Variants in KDELR3 observed in about 807,000 individuals in gnomAD.
KDELR3 encodes the protein ER lumen protein-retaining receptor 3.
A neutral mutation model predicts 22.7 loss-of-function variants in KDELR3; 26 were observed. The ratio of observed to expected loss-of-function variants is 1.15; its 90% CI spans 0.84 to 1.59. KDELR3 has a LOEUF of 1.59. Among genes scored for constraint, KDELR3 ranks in the 40% most tolerant of loss-of-function variants. The probability of loss-of-function intolerance (pLI) is 0.00; values close to 1 mark genes in which losing one functional copy is unlikely to be tolerated. For synonymous variants in KDELR3, 120 were observed against 98.2 expected (o/e 1.22, Z -1.31); for missense variants, 289 against 251.1 (o/e 1.15, Z -1.02).
Position 38,481,306 on chromosome 22 carries a change from C to T in KDELR3, c.446C>T (p.Thr149Ile). ...ACTGGAGAGGCTGAGACCATAACTA[C>T]TCACTACCTGTTCTTTCTGGGTCTG... ...SKTGEAETITTHYLFFLGLYR... is the reference protein window; with the variant it reads ...SKTGEAETITIHYLFFLGLYR... The change falls in exon 4 of 5, where the codon ACT becomes ATT. Residue 149 changes from threonine to isoleucine, a missense_variant. Coordinates refer to ENST00000216014, the MANE Select transcript of KDELR3 (RefSeq NM_006855.4). The T allele has an allele frequency of 3.7e-6, 6 of 1,614,202 alleles. No homozygotes were observed. The highest frequency in any genetic ancestry group is 1.1e-5 in the South Asian group (1 of 91,090).
At chr22:38,481,569 T>G in intron 4 of KDELR3, 105 bp downstream of exon 4, 2 of 1,559,520 alleles carry the variant, frequency 1.3e-6, no homozygotes, top group South Asian at 2.4e-5. Flanking sequence ...GTCTCTGCCA[T>G]CCACAATGCT....
chr22:38,477,340 G>T (rs942509573), intron 2 of KDELR3, among the ~76,000 whole-genome samples: 8 of 151,764 alleles, frequency 5.3e-5, no homozygotes, highest in African/African-American at 1.9e-4. Context: ...GAGTAGCTGG[G>T]ATTACAGGTG....
rs1569133762 is a variant in KDELR3, at chr22:38,481,198, T to C, written c.352-14T>C. ...GGTCTTGCTCAGTCTCTGGTTGCTT[T>C]CTCTTTGGCTCAGATCCTCTGGACT... On this transcript the variant is annotated splice_polypyrimidine_tract_variant and intron_variant, in intron 3 of 4. Coordinates refer to ENST00000216014, the MANE Select transcript of KDELR3 (RefSeq NM_006855.4). The C allele has an allele frequency of 6.2e-7, 1 of 1,605,780 alleles. No individual in the cohort carries two copies. The highest frequency in any genetic ancestry group is 2.2e-5 in the East Asian group (1 of 44,786).
intron 1 of KDELR3, among the ~76,000 whole-genome samples, chr22:38,473,973 CAAAAAAAGAAAAAA>C (rs1295787439): frequency 3.5e-5 from 1 of 28,454 alleles, no homozygotes; most frequent in Non-Finnish European, 6.5e-5. Context: ...GACTCCATCT[CAAAAAAAGAAAAAA>C]GAAAAAAGAA....
At chr22:38,471,596 C>T (rs1018406807) in intron 1 of KDELR3, among the ~76,000 whole-genome samples, 2 of 152,186 alleles carry the variant, frequency 1.3e-5, no homozygotes, top group African/African-American at 2.4e-5. Flanking sequence ...AATGTGAGAC[C>T]GAGGCTCGCC....
At chr22:38,481,883 T>C (rs1013183184) in intron 4 of KDELR3, among the ~76,000 whole-genome samples, 6 of 152,296 alleles carry the variant, frequency 3.9e-5, no homozygotes, top group East Asian at 1.9e-4. Flanking sequence ...CACTGAAGAA[T>C]TGTCGTGGGC....
chr22:38,468,749 C>A (rs1054995805), intron 1 of KDELR3, among the ~76,000 whole-genome samples: 1 of 152,208 alleles, frequency 6.6e-6, no homozygotes, highest in African/African-American at 2.4e-5. Flanking sequence ...ACCCCGCCCC[C>A]CAAAGTGAGC....
chr22:38,473,342 G>C (rs2089536575), intron 1 of KDELR3, among the ~76,000 whole-genome samples: 1 of 152,156 alleles, frequency 6.6e-6, no homozygotes, highest in Admixed American at 6.5e-5. Flanking sequence ...TCGGGAGGCT[G>C]AGATAGGAGA....
chr22:38,468,338 G>A lies in KDELR3; in HGVS notation c.91+14G>A. 1 of 1,612,066 alleles carries A rather than the reference G, an allele frequency of 6.2e-7. No individual in the cohort carries two copies. Among genetic ancestry groups the A allele is most frequent in the Non-Finnish European group, 8.5e-7 (1 of 1,178,710 alleles). On this transcript the variant is annotated intron_variant, in intron 1 of 4. Transcript: ENST00000216014. The stretch of plus-strand genomic sequence containing the variant: ...AGTGCTGCAAGGGTGAGGGGCGCCT[G>A]GCAGGGAGGTGCGGGACCCCCTCTC...
Position 38,482,534 on chromosome 22 carries a change from T to C in KDELR3, c.643T>C (p.Ter215ArgextTer13), listed in dbSNP as rs2089611771. ...GKKLSLPMPI[*>R] ...GAAGTTAAGTCTTCCAATGCCAATC[T>C]GAGGACCTTCAGAGACAGTCTACGC... The change falls in exon 5 of 5, where the codon TGA becomes CGA. Residue 215 changes from the stop codon to arginine (R), a stop_lost. Coordinates refer to ENST00000216014, the MANE Select transcript of KDELR3 (RefSeq NM_006855.4). 2 of 1,612,018 alleles carry C rather than the reference T, an allele frequency of 1.2e-6. No homozygotes were observed. Among genetic ancestry groups the C allele is most frequent in the Admixed American group, 3.3e-5 (2 of 60,026 alleles).
intron 3 of KDELR3, among the ~76,000 whole-genome samples, chr22:38,480,756 AAAAT>A (rs2089594001): frequency 6.6e-6 from 1 of 151,942 alleles, no homozygotes; most frequent in South Asian, 2.1e-4. Context: ...CCATCTCAAA[AAAAT>A]AAATAAAAAA....
At chr22:38,469,906 A>G (rs1234203700) in intron 1 of KDELR3, among the ~76,000 whole-genome samples, 5 of 145,746 alleles carry the variant, frequency 3.4e-5, no homozygotes, top group East Asian at 2.0e-4. Flanking sequence ...TGCAACCTCC[A>G]CCTCCCAGGT....
At chr22:38,469,241 C>T (rs1298278099) in intron 1 of KDELR3, among the ~76,000 whole-genome samples, 1 of 152,202 alleles carries the variant, frequency 6.6e-6, no homozygotes, top group African/African-American at 2.4e-5. Flanking sequence ...CACCGGGCAT[C>T]CCCCGGGAAG....
chr22:38,472,163 T>C lies in KDELR3; in HGVS notation c.92-2360T>C, dbSNP rs149459106. Among the ~76,000 whole-genome samples the C allele has an allele frequency of 5.7e-4, 86 of 152,076 alleles. 2 individuals are homozygous for C. Among genetic ancestry groups the C allele is most frequent in the Admixed American group, 5.6e-3 (86 of 15,258 alleles). ...CGGGTTAAACCAAACCCTATATATA[T>C]ACTGTTTCTTCCATCTGATAACCAA... On this transcript the variant is annotated intron_variant, in intron 1 of 4. Transcript: ENST00000216014.
Position 38,482,578 on chromosome 22 carries a change from GA to G in KDELR3, c.*45del. ...TCTACGCCTTAACAAGCACATGAAG[GA>G]AACTATTTTGAATGTTCTCTTTGGC... On this transcript the variant is annotated 3_prime_UTR_variant, in exon 5 of 5. Coordinates refer to ENST00000216014, the MANE Select transcript of KDELR3 (RefSeq NM_006855.4). 1 of 1,534,500 alleles carries G rather than the reference GA, an allele frequency of 6.5e-7. No individual in the cohort carries two copies. The highest frequency in any genetic ancestry group is 9.0e-7 in the Non-Finnish European group (1 of 1,111,356).
chr22:38,483,391 C>A lies in KDELR3; in HGVS notation c.*855C>A, dbSNP rs1437289852. On this transcript the variant is annotated 3_prime_UTR_variant, in exon 5 of 5. Coordinates refer to ENST00000216014, the MANE Select transcript of KDELR3 (RefSeq NM_006855.4). ...TCTTGAAACAAAAACTGTTTTAAGACGTCTACGTTGAATTATTCAGAGAAT... is the reference window on the plus strand; with the variant it reads ...TCTTGAAACAAAAACTGTTTTAAGAAGTCTACGTTGAATTATTCAGAGAAT... 6.6e-6 allele frequency: 1 copy of A among 152,146 alleles called. No individual in the cohort carries two copies. Among genetic ancestry groups the A allele is most frequent in the African/African-American group, 2.4e-5 (1 of 41,426 alleles). 9.4% of individuals were successfully genotyped at this position (152,146 alleles called of 1,614,324 possible). A position where few individuals can be genotyped will look rare whatever the true frequency, so the allele number is the denominator to read the frequency against.
intron 3 of KDELR3, among the ~76,000 whole-genome samples, chr22:38,480,578 T>C (rs2089592611): frequency 6.6e-6 from 1 of 151,652 alleles, no homozygotes; most frequent in African/African-American, 2.4e-5. Context: ...AAACCCTGTC[T>C]CTACTGAAAA....
chr22:38,477,815 G>C (rs2089570281), intron 2 of KDELR3, among the ~76,000 whole-genome samples: 1 of 152,178 alleles, frequency 6.6e-6, no homozygotes, highest in Non-Finnish European at 1.5e-5. Flanking sequence ...TCATTTCTCA[G>C]CCCAAGTCAG....
Position 38,478,790 on chromosome 22 carries a change from CCG to C in KDELR3, c.193-801_193-800del, listed in dbSNP as rs1491135870. 1.1e-3 allele frequency among the ~76,000 whole-genome samples: 170 copies of C among 150,798 alleles called. 1 individual carries two copies. The highest frequency in any genetic ancestry group is 4.0e-3 in the African/African-American group (164 of 41,128). ...CCCAGGTAGCTGGGATTACAGGCGC[CCG>C]CATGCATGCCTGGCTAGTTTTTTTA... On this transcript the variant is annotated intron_variant, in intron 2 of 4. Coordinates refer to ENST00000216014, the MANE Select transcript of KDELR3 (RefSeq NM_006855.4).
Sources: gnomAD v4.1 joint callset for allele counts (sites outside exome capture counted in the v4.1 genomes callset) on GRCh38, gnomAD v4.1.1 for gene constraint, MANE v1.5 for transcripts, NCBI Gene and HGNC (gene_info 2026-07-23, HGNC 2026-07-21) for gene names.